Variants in C12orf75 observed in about 807,000 individuals in gnomAD.
C12orf75 encodes chromosome 12 open reading frame 75, also known as overexpressed in colon carcinoma 1 protein.
Under a neutral mutation model 11.4 loss-of-function variants are expected in C12orf75, and 4 were observed. The observed-to-expected ratio is 0.35, with a 90% CI of 0.17 to 0.80. The LOEUF is 0.80. Ranked by LOEUF, C12orf75 falls within the 30% of genes least tolerant of loss-of-function variation. The pLI is 0.52. For missense variants in C12orf75, 89 were observed against 80.4 expected (o/e 1.11, Z -0.41); for synonymous variants, 30 against 30.0 (o/e 1.00, Z 0.00).
chr12:105,356,054 C>T (rs984619406), intron 2 of C12orf75, among the ~76,000 whole-genome samples: 1 of 152,098 alleles, frequency 6.6e-6, no homozygotes, highest in Non-Finnish European at 1.5e-5. Context: ...CAAAAGAAAA[C>T]AGTCCAAAGA....
At chr12:105,341,891 T>G (rs1198511335) in intron 1 of C12orf75, among the ~76,000 whole-genome samples, 3 of 152,170 alleles carry the variant, frequency 2.0e-5, no homozygotes, top group Non-Finnish European at 2.9e-5. Flanking sequence ...AGTCATGAGA[T>G]CTGATGGTTT....
Position 105,365,828 on chromosome 12 carries a change from A to C in C12orf75, c.93A>C (p.Glu31Asp). The C allele has an allele frequency of 6.5e-7, 1 of 1,549,500 alleles. No homozygotes were observed. Among genetic ancestry groups the C allele is most frequent in the Admixed American group, 2.0e-5 (1 of 51,002 alleles). ...TTAGAACAGAAGAATCCGTAACAGAAGATGACAAGAGGAGGTATGTTTGGT... is the reference window on the plus strand; with the variant it reads ...TTAGAACAGAAGAATCCGTAACAGACGATGACAAGAGGAGGTATGTTTGGT... ...AKDVTEESVT[E>D]DDKRRNYGGV... Residue 31 changes from glutamate (E) to aspartate (D), a missense_variant, in exon 3 of 6, where the codon GAA becomes GAC. Physicochemically the swap from Glu to Asp is conservative, Grantham distance 45 (BLOSUM62 2). Transcript: ENST00000443585.
chr12:105,347,605 C>T (rs1258949642), intron 1 of C12orf75, among the ~76,000 whole-genome samples: 1 of 152,250 alleles, frequency 6.6e-6, no homozygotes. Flanking sequence ...TTTATTCTAG[C>T]TGTGCTGATA....
At chr12:105,341,064 A>T (rs1892567347) in intron 1 of C12orf75, among the ~76,000 whole-genome samples, 1 of 152,256 alleles carries the variant, frequency 6.6e-6, no homozygotes, top group African/African-American at 2.4e-5. Context: ...AATTTGTTAC[A>T]GCAGCCATGT....
chr12:105,333,769 A>C (rs1892466850), intron 1 of C12orf75, among the ~76,000 whole-genome samples: 2 of 152,198 alleles, frequency 1.3e-5, no homozygotes, highest in Admixed American at 1.3e-4. Context: ...TTACTATATA[A>C]TAATATTATT....
At chr12:105,365,103 C>T (rs528852536) in intron 2 of C12orf75, among the ~76,000 whole-genome samples, 1 of 152,096 alleles carries the variant, frequency 6.6e-6, no homozygotes. Context: ...TCCCAAAGTG[C>T]TGGTATTACA....
chr12:105,366,455 G>T (rs1397053868), intron 3 of C12orf75, 162 bp from the exon 4 acceptor site: 3 of 404,106 alleles, frequency 7.4e-6, no homozygotes, highest in Non-Finnish European at 1.3e-5. Context: ...TTTAACCTAG[G>T]AAACCAATTA....
At chr12:105,340,132 T>G (rs745851501) in intron 1 of C12orf75, among the ~76,000 whole-genome samples, 8 of 151,970 alleles carry the variant, frequency 5.3e-5, no homozygotes, top group Non-Finnish European at 1.0e-4. Context: ...CTACTTAAAA[T>G]TACTCAATGC....
At chr12:105,370,552 T>G (rs1871598358) in intron 5 of C12orf75, 82 bp from the exon 6 acceptor site, 1 of 456,050 alleles carries the variant, frequency 2.2e-6, no homozygotes, top group Admixed American at 2.4e-5. Context: ...GTAAATAACT[T>G]GTAGGCTTAA....
chr12:105,337,400 G>A (rs1469998956), intron 1 of C12orf75, among the ~76,000 whole-genome samples: 2 of 152,106 alleles, frequency 1.3e-5, no homozygotes, highest in East Asian at 3.8e-4. Flanking sequence ...CAAGTGAGGA[G>A]AGCAGAGAGA....
chr12:105,344,745 CAAAAAAA>C (rs35185869), intron 1 of C12orf75, among the ~76,000 whole-genome samples: 6,590 of 102,588 alleles, frequency 0.064, 199 homozygotes, highest in Admixed American at 0.083. Context: ...GACTCTGTGT[CAAAAAAA>C]AAAAAAAAAA....
intron 1 of C12orf75, among the ~76,000 whole-genome samples, chr12:105,344,671 A>G (rs532529575): frequency 5.9e-5 from 9 of 151,844 alleles, no homozygotes; most frequent in South Asian, 2.1e-4. Flanking sequence ...GCTTGAACCC[A>G]GGAAGCAGAG....
chr12:105,361,329 A>C (rs1261737775), intron 2 of C12orf75, among the ~76,000 whole-genome samples: 1 of 152,204 alleles, frequency 6.6e-6, no homozygotes, highest in Non-Finnish European at 1.5e-5. Flanking sequence ...GATTCCTTAA[A>C]ATGGTTTGCA....
chr12:105,337,140 A>G (rs957181583), intron 1 of C12orf75, among the ~76,000 whole-genome samples: 3 of 152,056 alleles, frequency 2.0e-5, no homozygotes, highest in Admixed American at 6.6e-5. Flanking sequence ...CCTGGCTGAC[A>G]TGGCGAAACC....
At chr12:105,354,714 A>G (rs1892753570) in intron 2 of C12orf75, among the ~76,000 whole-genome samples, 1 of 152,186 alleles carries the variant, frequency 6.6e-6, no homozygotes, top group Non-Finnish European at 1.5e-5. Flanking sequence ...GGTAGCCATG[A>G]TGAGATTTTC....
Position 105,330,795 on chromosome 12 carries a change from G to C in C12orf75, c.-97G>C. On this transcript the variant is annotated 5_prime_UTR_variant, in exon 1 of 6. Coordinates refer to ENST00000443585, the MANE Select transcript of C12orf75 (RefSeq NM_001145199.2). ...TTCCTGGCCCCTCGCGGCCCCGTCAGCCTCCCGCTCGGGGTGCGCCGCCCT... is the reference window on the plus strand; with the variant it reads ...TTCCTGGCCCCTCGCGGCCCCGTCACCCTCCCGCTCGGGGTGCGCCGCCCT... 8.5e-7 allele frequency: 1 copy of C among 1,179,532 alleles called. No homozygotes were observed. The allele number at this position is 1,179,532 out of a possible 1,614,324, so 73.1% of individuals were successfully genotyped here. A position where few individuals can be genotyped will look rare whatever the true frequency, so the allele number is the denominator to read the frequency against.
intron 1 of C12orf75, among the ~76,000 whole-genome samples, chr12:105,332,898 ATC>A (rs922230362): frequency 6.6e-6 from 1 of 150,848 alleles, no homozygotes; most frequent in Non-Finnish European, 1.5e-5. Flanking sequence ...CCCTAGGAGC[ATC>A]TCTCTTATCA....
intron 2 of C12orf75, among the ~76,000 whole-genome samples, chr12:105,362,339 C>T (rs1451606531): frequency 2.2e-5 from 3 of 138,596 alleles, no homozygotes; most frequent in Admixed American, 7.4e-5. Flanking sequence ...GAGCCGAGAT[C>T]CCGCCACTGC....
rs200950023 is a variant in C12orf75 at position 105,355,168 on chromosome 12, C to CTTTTTTT, written c.71+6547_71+6548insTTTTTTT. Among the ~76,000 whole-genome samples the CTTTTTTT allele has an allele frequency of 5.3e-4, 39 of 74,192 alleles. 4 individuals are homozygous for CTTTTTTT. Among genetic ancestry groups the CTTTTTTT allele is most frequent in the East Asian group, 2.2e-3 (6 of 2,696 alleles). The allele number at this position is 74,192 out of a possible 152,430, so 48.7% of individuals were successfully genotyped here. On this transcript the variant is annotated intron_variant, in intron 2 of 5. Transcript: ENST00000443585. ...GGGTGGTTTTCACGAATTTCTTTTT[C>CTTTTTTT]TTTTTCTTTTTCTTTTTTTTTTTCA...
Sources: allele counts gnomAD v4.1 joint callset (sites outside exome capture counted in the v4.1 genomes callset), GRCh38; gene constraint gnomAD v4.1.1; transcripts MANE v1.5; gene names NCBI Gene and HGNC (gene_info 2026-07-23, HGNC 2026-07-21).